The following KIAA0825 variants were observed in gnomAD, a reference collection of about 807,000 sequenced individuals.
KIAA0825 encodes the protein uncharacterized protein KIAA0825.
In KIAA0825, 119 loss-of-function variants were observed where a neutral mutation model predicts 147.6. The ratio of observed to expected loss-of-function variants is 0.81; its 90% CI spans 0.69 to 0.94. The LOEUF is 0.94. Ranked by LOEUF, KIAA0825 falls within the 40% of genes least tolerant of loss-of-function variation. The pLI is 0.00. For synonymous variants in KIAA0825, 470 were observed against 518.1 expected (o/e 0.91, Z 1.26); for missense variants, 1,381 against 1,472.7 (o/e 0.94, Z 1.02).
intron 20 of KIAA0825, among the ~76,000 whole-genome samples, chr5:94,242,114 GAC>G (rs1775375715): frequency 6.6e-6 from 1 of 152,144 alleles, no homozygotes; most frequent in Non-Finnish European, 1.5e-5. Context: ...TAAGTTGATT[GAC>G]AGGTATGTAT....
chr5:94,489,377 G>A (rs745424126), intron 5 of KIAA0825, among the ~76,000 whole-genome samples: 8 of 152,058 alleles, frequency 5.3e-5, no homozygotes, highest in Non-Finnish European at 7.3e-5. Context: ...ACGAAGCCCA[G>A]AAATATTACT....
At chr5:94,465,356 T>G (rs1368341025) in intron 10 of KIAA0825, among the ~76,000 whole-genome samples, 1 of 152,238 alleles carries the variant, frequency 6.6e-6, no homozygotes, top group Non-Finnish European at 1.5e-5. Context: ...CAACTAGCTT[T>G]GTAGTTGCTG....
intron 1 of KIAA0825, among the ~76,000 whole-genome samples, chr5:94,589,034 G>C (rs889152580): frequency 6.6e-6 from 1 of 152,144 alleles, no homozygotes; most frequent in Non-Finnish European, 1.5e-5. Flanking sequence ...GTGGAGGGCT[G>C]GGGGAGGGAT....
intron 5 of KIAA0825, among the ~76,000 whole-genome samples, chr5:94,516,234 C>T (rs1169865891): frequency 1.3e-5 from 2 of 152,086 alleles, no homozygotes; most frequent in Non-Finnish European, 2.9e-5. Context: ...TACTGGAAAA[C>T]CTGAATTAGT....
intron 20 of KIAA0825, among the ~76,000 whole-genome samples, chr5:94,361,668 T>C (rs1002929136): frequency 6.6e-6 from 1 of 152,230 alleles, no homozygotes; most frequent in Non-Finnish European, 1.5e-5. Context: ...AGCATCTATA[T>C]GTACATACTC....
At chr5:94,309,015 T>A (rs1168253652) in intron 20 of KIAA0825, among the ~76,000 whole-genome samples, 3 of 151,842 alleles carry the variant, frequency 2.0e-5, no homozygotes, top group Non-Finnish European at 4.4e-5. Flanking sequence ...TTCAATTCTC[T>A]CTCAATCACT....
At chr5:94,519,999 A>G in intron 5 of KIAA0825, 1 of 1,109,646 alleles carries the variant, frequency 9.0e-7, no homozygotes, top group Non-Finnish European at 1.1e-6. Context: ...AAGAGAAATT[A>G]AACTCTTATT....
chr5:94,429,352 A>G lies in KIAA0825; in HGVS notation c.2497+10630T>C, dbSNP rs568660627. 3.9e-5 allele frequency among the ~76,000 whole-genome samples: 6 copies of G among 151,936 alleles called. No individual in the cohort carries two copies. In the South Asian group the frequency reaches 1.0e-3, roughly 26 times the overall value. On this transcript the variant is annotated intron_variant, in intron 14 of 20. Coordinates refer to ENST00000682413, the MANE Select transcript of KIAA0825 (RefSeq NM_001145678.3). ...TTTTTGTAGTTATTTTCACGCAGGT[A>G]GTATGTTTGCTTTTTCTTTCCTAGA...
intron 1 of KIAA0825, among the ~76,000 whole-genome samples, chr5:94,609,985 T>C (rs1418673470): frequency 1.3e-5 from 2 of 152,108 alleles, no homozygotes; most frequent in African/African-American, 4.8e-5. Context: ...AGCATGAATA[T>C]ATGCTAGAGA....
chr5:94,311,181 TA>T (rs1779138114), intron 20 of KIAA0825, among the ~76,000 whole-genome samples: 1 of 151,424 alleles, frequency 6.6e-6, no homozygotes, highest in African/African-American at 2.4e-5. Context: ...TTTTCTAGAT[TA>T]AAATGGGTTT....
At position 94,152,333 on chromosome 5, in the gene KIAA0825, A is replaced by G. The variant is rs988422369; in HGVS notation, c.*1674T>C. 2.6e-5 allele frequency among the ~76,000 whole-genome samples: 4 copies of G among 152,302 alleles called. No individual in the cohort carries two copies. In the South Asian group the frequency reaches 8.3e-4, roughly 32 times the overall value. ...TGTGGGAGTATGGACAATTTATTAT[A>G]TATCTGAGAACATCAGAAAACATGA... On this transcript the variant is annotated 3_prime_UTR_variant, in exon 21 of 21. Coordinates refer to ENST00000682413, the MANE Select transcript of KIAA0825 (RefSeq NM_001145678.3).
At chr5:94,340,087 A>G (rs1396533779) in intron 20 of KIAA0825, among the ~76,000 whole-genome samples, 4 of 152,160 alleles carry the variant, frequency 2.6e-5, no homozygotes, top group Non-Finnish European at 5.9e-5. Flanking sequence ...GAGTTAACAT[A>G]TGCTGTGTTT....
At chr5:94,557,258 C>T (rs372387190) in intron 2 of KIAA0825, among the ~76,000 whole-genome samples, 2 of 152,020 alleles carry the variant, frequency 1.3e-5, no homozygotes, top group East Asian at 3.9e-4. Flanking sequence ...ACTACAGGCA[C>T]GTGCTACCAT....
intron 7 of KIAA0825, among the ~76,000 whole-genome samples, chr5:94,475,681 C>A (rs565572114): frequency 6.6e-6 from 1 of 151,910 alleles, no homozygotes; most frequent in African/African-American, 2.4e-5. Context: ...TTGTGGTGGG[C>A]GCCTGTAATC....
At chr5:94,401,243 C>G (rs1456432506) in intron 16 of KIAA0825, among the ~76,000 whole-genome samples, 1 of 144,350 alleles carries the variant, frequency 6.9e-6, no homozygotes, top group African/African-American at 2.6e-5. Flanking sequence ...CCCCACAATT[C>G]TTTTTTTTTT....
At chr5:94,607,314 C>A (rs1438604322) in intron 1 of KIAA0825, among the ~76,000 whole-genome samples, 1 of 152,042 alleles carries the variant, frequency 6.6e-6, no homozygotes, top group East Asian at 1.9e-4. Context: ...ACTAAAAGTG[C>A]AAAATCTGTG....
chr5:94,383,347 G>C (rs191981737), intron 20 of KIAA0825, among the ~76,000 whole-genome samples: 55 of 152,228 alleles, frequency 3.6e-4, no homozygotes, highest in African/African-American at 1.2e-3. Context: ...ACTTCCTTCT[G>C]AGAAATACTG....
chr5:94,537,055 G>C lies in KIAA0825; in HGVS notation c.72C>G (p.Asp24Glu), dbSNP rs1279925547. The C allele has an allele frequency of 1.2e-6, 2 of 1,605,572 alleles. No individual in the cohort carries two copies. Among genetic ancestry groups the C allele is most frequent in the Non-Finnish European group, 1.7e-6 (2 of 1,172,622 alleles). ...LHCLLNSFPG[D>E]LEFEQIFSDI... ...CACTGAAGATCTGCTCAAACTCCAA[G>C]TCTCCAGGAAATGAGTTTAACAAAC... Residue 24 changes from aspartate (D) to glutamate (E), a missense_variant, in exon 3 of 21, where the codon GAC (aspartate) becomes GAG (glutamate). By Grantham distance (45) the Asp-to-Glu change is conservative (BLOSUM62 2). Coordinates refer to ENST00000682413, the MANE Select transcript of KIAA0825 (RefSeq NM_001145678.3).
chr5:94,199,703 G>A (rs377437280), intron 20 of KIAA0825, among the ~76,000 whole-genome samples: 15 of 152,330 alleles, frequency 9.8e-5, no homozygotes, highest in South Asian at 8.3e-4. Flanking sequence ...TCATGTGCTG[G>A]TGGGATGGTG....
Sources: gnomAD v4.1 joint callset for allele counts (sites outside exome capture counted in the v4.1 genomes callset) on GRCh38, gnomAD v4.1.1 for gene constraint, MANE v1.5 for transcripts, NCBI Gene and HGNC (gene_info 2026-07-23, HGNC 2026-07-21) for gene names.